The following TMEM163 variants were observed in gnomAD, a reference collection of about 807,000 sequenced individuals.
TMEM163 encodes the protein transmembrane protein 163.
TMEM163 carries 17 observed loss-of-function variants against 29.3 expected under a neutral mutation model. The observed-to-expected ratio is 0.58, with a 90% confidence interval of 0.40 to 0.87. TMEM163 has a LOEUF of 0.87. Among genes scored for constraint, TMEM163 ranks in the 40% least tolerant of loss-of-function variants. The probability of loss-of-function intolerance (pLI) is 0.00; values close to 1 mark genes in which losing one functional copy is unlikely to be tolerated. For synonymous variants in TMEM163, 157 were observed against 160.6 expected (o/e 0.98, Z 0.17); for missense variants, 303 against 381.5 (o/e 0.79, Z 1.71).
chr2:134,542,230 A>G (rs948939515), intron 4 of TMEM163, among the ~76,000 whole-genome samples: 28 of 152,266 alleles, frequency 1.8e-4, no homozygotes, highest in African/African-American at 6.3e-4. Flanking sequence ...AAAGTAAGTT[A>G]TTCAATGCCA....
chr2:134,591,397 T>C (rs1681931579), intron 2 of TMEM163, among the ~76,000 whole-genome samples: 1 of 152,138 alleles, frequency 6.6e-6, no homozygotes, highest in South Asian at 2.1e-4. Context: ...ACCATCTTGG[T>C]TGGGTGAAAT....
rs758444312 is a variant in TMEM163, at chr2:134,516,608, CATAA to C, written c.459-13615_459-13612del. ...ATTCATATATATTCATATATATGTT[CATAA>C]ATATTCATATATTTTTATATATATT... On this transcript the variant is annotated intron_variant, in intron 4 of 7. Transcript: ENST00000281924. Among the ~76,000 whole-genome samples, 9 of 147,680 alleles carry C rather than the reference CATAA, an allele frequency of 6.1e-5. No homozygotes were observed. In the South Asian group the frequency reaches 1.3e-3, roughly 21 times the overall value.
At chr2:134,700,076 A>T (rs1312904428) in intron 2 of TMEM163, among the ~76,000 whole-genome samples, 1 of 152,106 alleles carries the variant, frequency 6.6e-6, no homozygotes, top group Admixed American at 6.5e-5. Context: ...TTTACCTGAT[A>T]GCTTTAATTC....
chr2:134,707,897 C>CTTTT (rs35922959), intron 2 of TMEM163, among the ~76,000 whole-genome samples: 5 of 133,662 alleles, frequency 3.7e-5, no homozygotes, highest in African/African-American at 5.4e-5. Flanking sequence ...CAGACCAGAA[C>CTTTT]TTTTTTTTTT....
Position 134,678,176 on chromosome 2 carries a change from T to A in TMEM163, c.322+35024A>T, listed in dbSNP as rs370888558. Among the ~76,000 whole-genome samples the A allele has an allele frequency of 1.8e-4, 28 of 152,324 alleles. No individual in the cohort carries two copies. In the South Asian group the frequency reaches 5.8e-3, roughly 32 times the overall value. ...TCGTTTTTATCACATCTGCTCCATT[T>A]CTGAGTCCAGCTGCAAACACCCACG... is the stretch of plus-strand genomic sequence containing the variant. On this transcript the variant is annotated intron_variant, in intron 2 of 7. Transcript: ENST00000281924.
intron 5 of TMEM163, among the ~76,000 whole-genome samples, chr2:134,481,994 T>C (rs1679203377): frequency 6.6e-6 from 1 of 152,148 alleles, no homozygotes; most frequent in Non-Finnish European, 1.5e-5. Flanking sequence ...ATACTCCATA[T>C]ACCAAAATGG....
Position 134,485,882 on chromosome 2 carries a change from A to T in TMEM163, c.555+17019T>A, listed in dbSNP as rs1679295376. 2.0e-5 allele frequency among the ~76,000 whole-genome samples: 3 copies of T among 151,990 alleles called. No homozygotes were observed. The South Asian group carries it at 6.2e-4, about 32-fold the overall frequency. ...AGTAAACAAGTAAACCTTCAAAGCA[A>T]CATCCAGCTGGGTGTCGGAGTGAAT... On this transcript the variant is annotated intron_variant, in intron 5 of 7. Transcript: ENST00000281924.
chr2:134,718,078 G>C (rs1287051991), intron 1 of TMEM163, among the ~76,000 whole-genome samples: 1 of 152,246 alleles, frequency 6.6e-6, no homozygotes, highest in Non-Finnish European at 1.5e-5. Flanking sequence ...CCATCCAGAT[G>C]AGGTTGGTGG....
intron 2 of TMEM163, among the ~76,000 whole-genome samples, chr2:134,604,527 T>C (rs1682307945): frequency 6.6e-6 from 1 of 151,864 alleles, no homozygotes; most frequent in Non-Finnish European, 1.5e-5. Context: ...TGAAAGGTCA[T>C]TTCCCAAACT....
chr2:134,687,443 A>C (rs1684373182), intron 2 of TMEM163, among the ~76,000 whole-genome samples: 1 of 152,214 alleles, frequency 6.6e-6, no homozygotes, highest in Admixed American at 6.5e-5. Context: ...TCAATGTTAA[A>C]ATATGTATAA....
At chr2:134,703,742 G>A (rs538302922) in intron 2 of TMEM163, among the ~76,000 whole-genome samples, 2 of 151,802 alleles carry the variant, frequency 1.3e-5, no homozygotes, top group South Asian at 4.2e-4. Context: ...TACAAGAGGT[G>A]AAGAGCTTGC....
intron 4 of TMEM163, among the ~76,000 whole-genome samples, chr2:134,536,475 T>TG (rs1318570542): frequency 1.3e-5 from 2 of 152,142 alleles, no homozygotes; most frequent in Non-Finnish European, 2.9e-5. Context: ...CGTGTGCTGC[T>TG]GCCTTGAAGT....
chr2:134,601,032 G>A (rs1013080409), intron 2 of TMEM163, among the ~76,000 whole-genome samples: 13 of 151,548 alleles, frequency 8.6e-5, no homozygotes, highest in Admixed American at 6.6e-4. Flanking sequence ...ACACACACAC[G>A]CATGTATATA....
At chr2:134,593,627 G>A (rs1489879817) in intron 2 of TMEM163, among the ~76,000 whole-genome samples, 1 of 152,100 alleles carries the variant, frequency 6.6e-6, no homozygotes. Flanking sequence ...GCCTAGGTAG[G>A]GAGTTGGGGC....
intron 2 of TMEM163, among the ~76,000 whole-genome samples, chr2:134,603,630 C>T (rs1001111196): frequency 1.3e-5 from 2 of 152,290 alleles, no homozygotes; most frequent in African/African-American, 2.4e-5. Flanking sequence ...AGACCACACA[C>T]GCACACACAT....
chr2:134,513,002 T>C (rs1016609874), intron 4 of TMEM163, among the ~76,000 whole-genome samples: 1 of 152,180 alleles, frequency 6.6e-6, no homozygotes, highest in African/African-American at 2.4e-5. Flanking sequence ...GGTAAGGATG[T>C]GGCAAATGAT....
At chr2:134,716,515 C>T (rs1276183203) in intron 1 of TMEM163, among the ~76,000 whole-genome samples, 1 of 152,188 alleles carries the variant, frequency 6.6e-6, no homozygotes, top group African/African-American at 2.4e-5. Context: ...ATGCCAAATA[C>T]AGGTGCAGAT....
chr2:134,679,661 C>A, intron 2 of TMEM163, among the ~76,000 whole-genome samples: 1 of 152,200 alleles, frequency 6.6e-6, no homozygotes. Context: ...TACACCTAAT[C>A]CTGGAAAGGA....
At chr2:134,556,549 G>A (rs1411864705) in intron 2 of TMEM163, among the ~76,000 whole-genome samples, 2 of 152,202 alleles carry the variant, frequency 1.3e-5, no homozygotes, top group Non-Finnish European at 2.9e-5. Context: ...GCTTGCAGTG[G>A]TGGCTCACAC....
Sources: allele counts gnomAD v4.1 joint callset (sites outside exome capture counted in the v4.1 genomes callset), GRCh38; gene constraint gnomAD v4.1.1; transcripts MANE v1.5; gene names NCBI Gene and HGNC (gene_info 2026-07-23, HGNC 2026-07-21).